Variants in ITPR1 observed in about 807,000 individuals in gnomAD.
The protein encoded by ITPR1 is inositol 1,4,5-trisphosphate-gated calcium channel ITPR1.
ITPR1 carries 96 observed loss-of-function variants against 318.4 expected under a neutral mutation model. The ratio of observed to expected loss-of-function variants is 0.30; its 90% CI spans 0.26 to 0.36. The LOEUF is 0.36. Among genes scored for constraint, ITPR1 ranks in the 10% least tolerant of loss-of-function variants. The pLI is 1.00. For synonymous variants in ITPR1, 1,312 were observed against 1,289.9 expected, an observed-to-expected ratio of 1.02 and a Z score of -0.37; for missense variants, 2,440 against 3,460.2, an observed-to-expected ratio of 0.71 and a Z score of 7.40.
At chr3:4,627,119 C>T (rs750208132) in intron 4 of ITPR1, among the ~76,000 whole-genome samples, 1 of 151,856 alleles carries the variant, frequency 6.6e-6, no homozygotes, top group African/African-American at 2.4e-5. Flanking sequence ...CCGTGCCGGG[C>T]CTGTAATATT....
In ITPR1 at chr3:4,658,129, C is replaced by T. The variant is rs539511625; in HGVS notation, c.1002C>T (p.Asp334=). The change falls in exon 13 of 62, where the codon GAC becomes GAT. Residue 334 remains aspartate (D), a synonymous_variant. Transcript: ENST00000649015. The stretch of plus-strand genomic sequence containing the variant: ...TGGTGACTTTACCTCCTCAGGTGGA[C>T]CCTGATCAGGACGCCTCTCGAAGTA... ...EECLEFQPSV[D]PDQDASRSRL... is the part of the protein sequence containing the mutation. 1 of 1,611,576 alleles carries T rather than the reference C, an allele frequency of 6.2e-7. No individual in the cohort carries two copies. Among genetic ancestry groups the T allele is most frequent in the Non-Finnish European group, 8.5e-7 (1 of 1,178,396 alleles).
intron 4 of ITPR1, among the ~76,000 whole-genome samples, chr3:4,614,441 T>C (rs1202948653): frequency 6.6e-6 from 1 of 152,232 alleles, no homozygotes; most frequent in Non-Finnish European, 1.5e-5. Flanking sequence ...TGCCAGGATC[T>C]GTTTGAAGGA....
chr3:4,544,000 A>T (rs148092141), intron 4 of ITPR1, among the ~76,000 whole-genome samples: 3 of 152,314 alleles, frequency 2.0e-5, no homozygotes, highest in Admixed American at 2.0e-4. Flanking sequence ...TGCTTTCATG[A>T]TAAGGAATAA....
At chr3:4,625,951 T>A (rs2092811768) in intron 4 of ITPR1, among the ~76,000 whole-genome samples, 1 of 152,190 alleles carries the variant, frequency 6.6e-6, no homozygotes, top group Non-Finnish European at 1.5e-5. Context: ...TTTTAAATAT[T>A]GGTTTCCTAG....
chr3:4,773,410 T>C (rs1485515679), intron 46 of ITPR1, among the ~76,000 whole-genome samples: 3 of 152,244 alleles, frequency 2.0e-5, no homozygotes, highest in African/African-American at 7.2e-5. Context: ...ACAGGTGTTA[T>C]AAGAGTTGCC....
At chr3:4,664,829 G>A (rs184937528) in intron 16 of ITPR1, among the ~76,000 whole-genome samples, 50 of 152,336 alleles carry the variant, frequency 3.3e-4, no homozygotes, top group Admixed American at 3.1e-3. Flanking sequence ...AATCTGTACT[G>A]CTAGGGAGTA....
chr3:4,587,013 A>G (rs941393531), intron 4 of ITPR1, among the ~76,000 whole-genome samples: 6 of 152,146 alleles, frequency 3.9e-5, no homozygotes, highest in African/African-American at 1.4e-4. Flanking sequence ...GAGATTCAAA[A>G]AATTATATTC....
At chr3:4,670,400 G>A (rs1403110352) in intron 19 of ITPR1, among the ~76,000 whole-genome samples, 1 of 152,172 alleles carries the variant, frequency 6.6e-6, no homozygotes, top group East Asian at 1.9e-4. Context: ...ATTCTTTGTT[G>A]TGGGGCTGTG....
Position 4,847,128 on chromosome 3 carries a change from A to C in ITPR1, c.*903A>C, listed in dbSNP as rs760803749. On this transcript the variant is annotated 3_prime_UTR_variant, in exon 62 of 62. Transcript: ENST00000649015. Reference sequence around the variant, plus strand: ...CTAGATTATCTAGTCCAAACAATAGAGTTTATTTTTTCTTCATCTGAACCA... The same window carrying C: ...CTAGATTATCTAGTCCAAACAATAGCGTTTATTTTTTCTTCATCTGAACCA... 6.6e-6 allele frequency: 1 copy of C among 152,654 alleles called. No homozygotes were observed. Among genetic ancestry groups the C allele is most frequent in the Non-Finnish European group, 1.5e-5 (1 of 68,040 alleles). The allele number at this position is 152,654 out of a possible 1,614,324, so 9.5% of individuals were successfully genotyped here.
chr3:4,653,890 A>C lies in ITPR1; in HGVS notation c.996+4A>C. On this transcript the variant is annotated splice_donor_region_variant and intron_variant, in intron 12 of 61. Coordinates refer to ENST00000649015, the MANE Select transcript of ITPR1 (RefSeq NM_001378452.1). Reference sequence around the variant, plus strand: ...ATGCCTGGAGTTTCAGCCCTCAGTAAGTATGGACAAGAGCCTTCTTGTCTT... The same window carrying C: ...ATGCCTGGAGTTTCAGCCCTCAGTACGTATGGACAAGAGCCTTCTTGTCTT... 6.2e-7 allele frequency: 1 copy of C among 1,604,544 alleles called. No homozygotes were observed. The highest frequency in any genetic ancestry group is 8.5e-7 in the Non-Finnish European group (1 of 1,172,470).
intron 5 of ITPR1, among the ~76,000 whole-genome samples, chr3:4,631,854 A>G (rs1047290199): frequency 2.6e-5 from 4 of 152,138 alleles, no homozygotes; most frequent in Non-Finnish European, 4.4e-5. Context: ...TGATGCCATC[A>G]TGGCTCACTG....
intron 39 of ITPR1, among the ~76,000 whole-genome samples, chr3:4,716,423 A>G (rs369001612): frequency 6.6e-6 from 1 of 152,242 alleles, no homozygotes; most frequent in Non-Finnish European, 1.5e-5. Flanking sequence ...AAAGAAATTC[A>G]GAGGCCAGGA....
At chr3:4,800,688 C>T (rs1440372069) in intron 54 of ITPR1, 88 bp downstream of exon 54, 1 of 1,334,650 alleles carries the variant, frequency 7.5e-7, no homozygotes, top group African/African-American at 1.5e-5. Flanking sequence ...CTGGCCTGTG[C>T]TTTCAGTCCA....
At chr3:4,559,703 T>A (rs964057636) in intron 4 of ITPR1, among the ~76,000 whole-genome samples, 2 of 152,214 alleles carry the variant, frequency 1.3e-5, no homozygotes, top group African/African-American at 4.8e-5. Flanking sequence ...CCAGCCATTT[T>A]ATTAAGTGTT....
intron 4 of ITPR1, among the ~76,000 whole-genome samples, chr3:4,623,292 C>T (rs1228837226): frequency 6.6e-6 from 1 of 152,220 alleles, no homozygotes; most frequent in African/African-American, 2.4e-5. Flanking sequence ...CACCCAGCCC[C>T]TTAACGCCTG....
chr3:4,644,340 G>A, intron 8 of ITPR1, 106 bp downstream of exon 8: 4 of 722,396 alleles, frequency 5.5e-6, no homozygotes, highest in Middle Eastern at 3.5e-4. Flanking sequence ...GTGACTTGGG[G>A]CAGGGTGCCC....
intron 4 of ITPR1, among the ~76,000 whole-genome samples, chr3:4,534,683 G>C (rs141246733): frequency 1.9e-3 from 287 of 152,196 alleles, no homozygotes; most frequent in Non-Finnish European, 2.5e-3. Context: ...GTTCCAATTT[G>C]GGTGCTTCTG....
chr3:4,650,785 C>T (rs1275559283), intron 10 of ITPR1, among the ~76,000 whole-genome samples: 1 of 152,136 alleles, frequency 6.6e-6, no homozygotes, highest in Non-Finnish European at 1.5e-5. Context: ...CCAACCCACG[C>T]AGACATGTGC....
At chr3:4,556,496 A>C (rs1235276183) in intron 4 of ITPR1, among the ~76,000 whole-genome samples, 1 of 146,466 alleles carries the variant, frequency 6.8e-6, no homozygotes. Context: ...CCTGGCAACT[A>C]CTGATTTTTT....
Sources: gnomAD v4.1 joint callset for allele counts (sites outside exome capture counted in the v4.1 genomes callset) on GRCh38, gnomAD v4.1.1 for gene constraint, MANE v1.5 for transcripts, NCBI Gene and HGNC (gene_info 2026-07-23, HGNC 2026-07-21) for gene names.